DNAH11: variants seen among roughly 807,000 people sequenced by gnomAD.
DNAH11 encodes the protein axonemal beta dynein heavy chain 11.
A neutral mutation model predicts 526.0 loss-of-function variants in DNAH11; 442 were observed. The ratio of observed to expected loss-of-function variants is 0.84; its 90% CI spans 0.78 to 0.91. The LOEUF (loss-of-function observed/expected upper bound fraction) is 0.91, where lower values mean the gene tolerates loss of function less well. Ranked by LOEUF, DNAH11 falls within the 40% of genes least tolerant of loss-of-function variation. The pLI is 0.00. For synonymous variants in DNAH11, 2,461 were observed against 1,935.9 expected, an observed-to-expected ratio of 1.27 and a Z score of -7.12; for missense variants, 6,989 against 5,448.7, an observed-to-expected ratio of 1.28 and a Z score of -8.90.
chr7:21,623,668 A>T (rs1182955621), intron 25 of DNAH11, among the ~76,000 whole-genome samples: 1 of 152,124 alleles, frequency 6.6e-6, no homozygotes, highest in South Asian at 2.1e-4. Flanking sequence ...CTTTGTAGGG[A>T]CATGGATGAA....
At chr7:21,882,772 G>T (rs928244819) in intron 75 of DNAH11, among the ~76,000 whole-genome samples, 2 of 152,136 alleles carry the variant, frequency 1.3e-5, no homozygotes, top group African/African-American at 4.8e-5. Context: ...ACTCCAGCCT[G>T]AGCAACAGAG....
At chr7:21,774,261 AGCGGATT>A (rs1450660602) in intron 56 of DNAH11, among the ~76,000 whole-genome samples, 6 of 152,114 alleles carry the variant, frequency 3.9e-5, no homozygotes, top group African/African-American at 1.4e-4. Context: ...GAGCAGACAC[AGCGGATT>A]GCCTCTCTTG....
intron 65 of DNAH11, among the ~76,000 whole-genome samples, chr7:21,840,138 C>T (rs1040393103): frequency 2.6e-5 from 4 of 152,144 alleles, no homozygotes; most frequent in Non-Finnish European, 5.9e-5. Context: ...AAAACATTGC[C>T]ACTTTATGGC....
Position 21,899,392 on chromosome 7 carries a change from C to T in DNAH11, c.13106C>T (p.Thr4369Ile). Residue 4369 changes from threonine (T) to isoleucine (I), a missense_variant, in exon 80 of 82, where the codon ACC becomes ATC. Thr to Ile is a moderately conservative substitution (Grantham distance 89). Transcript: ENST00000409508. ...CTCGATACTTGGACACAAGACCTTA[C>T]CCTTCCGGCTGTCGTGTGGCTCTCC... is the stretch of plus-strand genomic sequence containing the variant. ...RELDTWTQDL[T>I]LPAVVWLSGF... The T allele has an allele frequency of 6.2e-7, 1 of 1,614,020 alleles. No homozygotes were observed. The highest frequency in any genetic ancestry group is 8.5e-7 in the Non-Finnish European group (1 of 1,179,882).
rs563028507 is a variant in DNAH11, at chr7:21,894,465, C to T, written c.12751-158C>T. ...AGGGAGTTGGCACTGCCATGCTGCC[C>T]ACCTCCTGGGAGCCGTAGGCATCCT... On this transcript the variant is annotated intron_variant, in intron 77 of 81. Transcript: ENST00000409508. 3.3e-5 allele frequency among the ~76,000 whole-genome samples: 5 copies of T among 152,318 alleles called. No homozygotes were observed. The East Asian group carries it at 9.7e-4, about 29-fold the overall frequency.
At chr7:21,682,923 C>G (rs1223799996) in intron 31 of DNAH11, among the ~76,000 whole-genome samples, 2 of 152,138 alleles carry the variant, frequency 1.3e-5, no homozygotes, top group African/African-American at 2.4e-5. Flanking sequence ...CTTTTCCTTG[C>G]AAAACATCGC....
chr7:21,737,289 T>C (rs907401633), intron 46 of DNAH11, among the ~76,000 whole-genome samples: 1 of 152,152 alleles, frequency 6.6e-6, no homozygotes, highest in African/African-American at 2.4e-5. Context: ...AAGCTACTGA[T>C]TTGGAGTTAT....
intron 25 of DNAH11, among the ~76,000 whole-genome samples, chr7:21,631,202 T>C (rs900989476): frequency 5.9e-5 from 9 of 152,168 alleles, no homozygotes; most frequent in Admixed American, 5.2e-4. Context: ...GAGAACAGCA[T>C]GGGAAGGACC....
intron 65 of DNAH11, among the ~76,000 whole-genome samples, chr7:21,824,438 C>G (rs1790187555): frequency 6.6e-6 from 1 of 151,910 alleles, no homozygotes; most frequent in African/African-American, 2.4e-5. Context: ...TTTTTAATAA[C>G]ATACATAAAA....
chr7:21,778,511 G>A (rs1787783632), intron 56 of DNAH11, among the ~76,000 whole-genome samples: 2 of 152,154 alleles, frequency 1.3e-5, no homozygotes, highest in South Asian at 4.1e-4. Context: ...CAGGCAAGGA[G>A]CATTCATGTC....
chr7:21,671,212 T>C (rs967817168), intron 30 of DNAH11, among the ~76,000 whole-genome samples: 2 of 152,222 alleles, frequency 1.3e-5, no homozygotes, highest in Admixed American at 1.3e-4. Context: ...TTTTGGAAGT[T>C]TGTATTTTTC....
intron 9 of DNAH11, among the ~76,000 whole-genome samples, chr7:21,585,988 G>A (rs1455018052): frequency 6.6e-6 from 1 of 152,182 alleles, no homozygotes; most frequent in Non-Finnish European, 1.5e-5. Context: ...AAAGAAGCAA[G>A]AGGTTGAAAT....
chr7:21,873,572 C>T, intron 74 of DNAH11, 71 bp downstream of exon 74: 2 of 1,444,724 alleles, frequency 1.4e-6, no homozygotes, highest in Non-Finnish European at 1.9e-6. Context: ...GGCCCAGAAT[C>T]AACCCAGGCA....
intron 15 of DNAH11, 147 bp from the exon 16 acceptor site, chr7:21,600,529 G>A (rs1785038976): frequency 3.1e-6 from 3 of 964,882 alleles, no homozygotes; most frequent in Admixed American, 5.5e-5. Context: ...GAAGCACAGG[G>A]AAAAGAGAAG....
At chr7:21,706,091 C>T (rs1047301835) in intron 39 of DNAH11, among the ~76,000 whole-genome samples, 1 of 152,024 alleles carries the variant, frequency 6.6e-6, no homozygotes, top group Admixed American at 6.6e-5. Context: ...CCAAACAAAA[C>T]CTAAAAATAA....
chr7:21,840,626 C>G (rs1583759448), intron 65 of DNAH11, among the ~76,000 whole-genome samples: 1 of 152,128 alleles, frequency 6.6e-6, no homozygotes, highest in East Asian at 1.9e-4. Flanking sequence ...TTACTAGATC[C>G]TCATAGCAGG....
chr7:21,857,885 A>G (rs891914965), intron 68 of DNAH11, among the ~76,000 whole-genome samples: 2 of 152,160 alleles, frequency 1.3e-5, no homozygotes, highest in Non-Finnish European at 2.9e-5. Flanking sequence ...GGGTTAGGCA[A>G]AGATTTCTTA....
At chr7:21,644,653 A>T (rs1787270868) in intron 28 of DNAH11, among the ~76,000 whole-genome samples, 1 of 152,246 alleles carries the variant, frequency 6.6e-6, no homozygotes, top group Non-Finnish European at 1.5e-5. Flanking sequence ...GGTTTTGACC[A>T]TCTTGCCATT....
chr7:21,619,925 T>C (rs746657433), intron 24 of DNAH11, 31 bp from the exon 25 acceptor site: 1 of 1,528,902 alleles, frequency 6.5e-7, no homozygotes. Context: ...AATTAAATTT[T>C]GTGCACATTA....
Sources: gnomAD v4.1 joint callset for allele counts (sites outside exome capture counted in the v4.1 genomes callset) on GRCh38, gnomAD v4.1.1 for gene constraint, MANE v1.5 for transcripts, NCBI Gene and HGNC (gene_info 2026-07-23, HGNC 2026-07-21) for gene names.